The following FBXW7 variants were observed in gnomAD, a reference collection of about 807,000 sequenced individuals.
FBXW7 encodes F-box and WD repeat domain containing 7, also known as F-box/WD repeat-containing protein 7.
Under a neutral mutation model 86.3 loss-of-function variants are expected in FBXW7, and 11 were observed. That is an observed-to-expected ratio of 0.13 (90% CI 0.08 to 0.21). The LOEUF (loss-of-function observed/expected upper bound fraction) is 0.21, where lower values mean the gene tolerates loss of function less well. Ranked by LOEUF, FBXW7 falls within the 10% of genes least tolerant of loss-of-function variation. The probability of loss-of-function intolerance (pLI) is 1.00; values close to 1 mark genes in which losing one functional copy is unlikely to be tolerated. For missense variants in FBXW7, 488 were observed against 847.4 expected (o/e 0.58, Z 5.27); for synonymous variants, 313 against 297.9 (o/e 1.05, Z -0.52).
chr4:152,408,094 A>C (rs1737586994), intron 4 of FBXW7, among the ~76,000 whole-genome samples: 1 of 152,170 alleles, frequency 6.6e-6, no homozygotes, highest in Admixed American at 6.6e-5. Context: ...TCAAGATGGG[A>C]AAAAAATAGA....
intron 4 of FBXW7, among the ~76,000 whole-genome samples, chr4:152,407,981 A>G (rs1737574902): frequency 6.6e-6 from 1 of 152,186 alleles, no homozygotes. Context: ...GTGAGCCACC[A>G]CACCTGGCTA....
At chr4:152,501,211 T>C (rs552700068) in intron 2 of FBXW7, among the ~76,000 whole-genome samples, 1 of 152,340 alleles carries the variant, frequency 6.6e-6, no homozygotes, top group Admixed American at 6.5e-5. Flanking sequence ...TACAGAACTC[T>C]TTCAAGGACC....
At chr4:152,457,425 G>A (rs1322301860) in intron 2 of FBXW7, among the ~76,000 whole-genome samples, 3 of 152,084 alleles carry the variant, frequency 2.0e-5, no homozygotes, top group African/African-American at 4.8e-5. Context: ...GGCGGATCAC[G>A]AGGTCAGGAG....
intron 2 of FBXW7, among the ~76,000 whole-genome samples, chr4:152,490,897 A>C (rs1163035450): frequency 6.6e-6 from 1 of 152,160 alleles, no homozygotes; most frequent in African/African-American, 2.4e-5. Context: ...ACAAAACAAC[A>C]AGCTCTTAAA....
At chr4:152,506,377 C>A (rs952755996) in intron 2 of FBXW7, among the ~76,000 whole-genome samples, 1 of 152,172 alleles carries the variant, frequency 6.6e-6, no homozygotes, top group East Asian at 1.9e-4. Flanking sequence ...GTGATCTGCC[C>A]GCCTCAGCCT....
chr4:152,489,723 T>A (rs548605359), intron 2 of FBXW7, among the ~76,000 whole-genome samples: 187 of 152,196 alleles, frequency 1.2e-3, no homozygotes, highest in Non-Finnish European at 2.1e-3. Flanking sequence ...CCCACTGTAA[T>A]CCTTACTGTG....
At chr4:152,475,200 G>A (rs1235988233) in intron 2 of FBXW7, among the ~76,000 whole-genome samples, 1 of 151,626 alleles carries the variant, frequency 6.6e-6, no homozygotes, top group Non-Finnish European at 1.5e-5. Flanking sequence ...CAGTACAAGT[G>A]GGAGGATCAC....
At chr4:152,437,155 T>C (rs1740456905) in intron 2 of FBXW7, among the ~76,000 whole-genome samples, 1 of 152,336 alleles carries the variant, frequency 6.6e-6, no homozygotes, top group South Asian at 2.1e-4. Context: ...TAAGAATATC[T>C]GTGTTTCACA....
intron 4 of FBXW7, among the ~76,000 whole-genome samples, chr4:152,405,095 TAAAAAAAAAAAAA>T (rs11394424): frequency 1.3e-5 from 1 of 79,052 alleles, no homozygotes; most frequent in African/African-American, 5.1e-5. Context: ...GACCTTGTCT[TAAAAAAAAAAAAA>T]AAAAAAAAAA....
intron 2 of FBXW7, among the ~76,000 whole-genome samples, chr4:152,457,643 C>CAAAAA (rs769232533): frequency 1.7e-5 from 1 of 57,442 alleles, no homozygotes; most frequent in African/African-American, 6.5e-5. Flanking sequence ...GACTCTGTCT[C>CAAAAA]AAAAAAAAAA....
chr4:152,489,457 C>T (rs1243329181), intron 2 of FBXW7: 1 of 152,720 alleles, frequency 6.5e-6, no homozygotes, highest in Non-Finnish European at 1.5e-5. Context: ...GACATTCATA[C>T]TCAGTATAAC....
intron 2 of FBXW7, among the ~76,000 whole-genome samples, chr4:152,463,988 A>G (rs1743190685): frequency 6.6e-6 from 1 of 152,228 alleles, no homozygotes; most frequent in Non-Finnish European, 1.5e-5. Context: ...AACAAATGCT[A>G]AAAAAGACAG....
chr4:152,491,431 A>T (rs987772611), intron 2 of FBXW7, among the ~76,000 whole-genome samples: 3 of 152,204 alleles, frequency 2.0e-5, no homozygotes, highest in Admixed American at 6.5e-5. Flanking sequence ...CAAATAAATC[A>T]TAATTAAGAT....
chr4:152,397,258 A>G (rs1303619947), intron 4 of FBXW7, among the ~76,000 whole-genome samples: 1 of 152,040 alleles, frequency 6.6e-6, no homozygotes, highest in East Asian at 1.9e-4. Flanking sequence ...AGTGCTGTCT[A>G]AAGTATATCT....
intron 4 of FBXW7, among the ~76,000 whole-genome samples, chr4:152,387,257 C>T (rs1163904124): frequency 1.3e-5 from 2 of 152,162 alleles, no homozygotes; most frequent in African/African-American, 2.4e-5. Flanking sequence ...AAGTGACTTA[C>T]TCTGTTGTAG....
intron 4 of FBXW7, among the ~76,000 whole-genome samples, chr4:152,365,169 A>AT (rs1488997011): frequency 6.6e-6 from 1 of 151,866 alleles, no homozygotes; most frequent in Non-Finnish European, 1.5e-5. Flanking sequence ...GCAGGGAGGG[A>AT]TAACCACCTA....
chr4:152,517,638 A>C (rs932476033), intron 2 of FBXW7, among the ~76,000 whole-genome samples: 3 of 152,238 alleles, frequency 2.0e-5, no homozygotes, highest in Non-Finnish European at 4.4e-5. Flanking sequence ...CCAAATTTTC[A>C]GCTATAAAAT....
intron 4 of FBXW7, among the ~76,000 whole-genome samples, chr4:152,376,239 G>T (rs373512075): frequency 6.6e-6 from 1 of 151,996 alleles, no homozygotes; most frequent in Non-Finnish European, 1.5e-5. Context: ...TATAGCCATT[G>T]AACTCAGACT....
intron 2 of FBXW7, among the ~76,000 whole-genome samples, chr4:152,515,705 T>C (rs1748417776): frequency 6.6e-6 from 1 of 150,612 alleles, no homozygotes; most frequent in African/African-American, 2.4e-5. Context: ...AAAATAAATT[T>C]GACATTTCTG....
Sources: gnomAD v4.1 joint callset for allele counts (sites outside exome capture counted in the v4.1 genomes callset) on GRCh38, gnomAD v4.1.1 for gene constraint, MANE v1.5 for transcripts, NCBI Gene and HGNC (gene_info 2026-07-23, HGNC 2026-07-21) for gene names.